Variants in RRAS2 observed in about 807,000 individuals in gnomAD.
The protein encoded by RRAS2 is ras-related protein R-Ras2.
In RRAS2, 7 loss-of-function variants were observed where a neutral mutation model predicts 27.6. The ratio of observed to expected loss-of-function variants is 0.25; its 90% CI spans 0.14 to 0.48. The LOEUF (loss-of-function observed/expected upper bound fraction) is 0.48, where lower values mean the gene tolerates loss of function less well. RRAS2 is among the 20% of genes least tolerant of loss of function. RRAS2 has a pLI of 0.99. For synonymous variants in RRAS2, 86 were observed against 90.9 expected (o/e 0.95, Z 0.31); for missense variants, 178 against 256.2 (o/e 0.69, Z 2.08).
At chr11:14,307,783 T>C (rs993802107) in intron 1 of RRAS2, among the ~76,000 whole-genome samples, 42 of 152,224 alleles carry the variant, frequency 2.8e-4, no homozygotes, top group African/African-American at 9.9e-4. Context: ...AATAGAAAAG[T>C]AAAGTCGTTT....
chr11:14,307,572 T>C (rs1847863232), intron 1 of RRAS2, among the ~76,000 whole-genome samples: 1 of 151,836 alleles, frequency 6.6e-6, no homozygotes, highest in Non-Finnish European at 1.5e-5. Flanking sequence ...GGCTCAGCAG[T>C]TAAATAACCT....
At chr11:14,319,756 TACTC>T (rs1312458677) in intron 1 of RRAS2, among the ~76,000 whole-genome samples, 1 of 152,234 alleles carries the variant, frequency 6.6e-6, no homozygotes, top group Non-Finnish European at 1.5e-5. Flanking sequence ...CAAAATATCT[TACTC>T]ACTCAACTGA....
intron 1 of RRAS2, among the ~76,000 whole-genome samples, chr11:14,341,361 A>T (rs531958218): frequency 1.3e-5 from 2 of 152,296 alleles, no homozygotes; most frequent in Admixed American, 1.3e-4. Flanking sequence ...AGTTAAAGGC[A>T]TTTCTGTATA....
intron 4 of RRAS2, among the ~76,000 whole-genome samples, chr11:14,292,120 A>G (rs1381721665): frequency 1.3e-5 from 2 of 152,204 alleles, no homozygotes; most frequent in Admixed American, 6.5e-5. Context: ...ATTTTGGAGC[A>G]TTTCAGATTT....
chr11:14,360,075 A>G (rs1328664407), upstream of RRAS2, among the ~76,000 whole-genome samples: 1 of 152,038 alleles, frequency 6.6e-6, no homozygotes, highest in African/African-American at 2.4e-5. Flanking sequence ...TTCTCTTGGT[A>G]TTCTCACTCC....
chr11:14,359,011 G>A lies in RRAS2; in HGVS notation c.-141C>T. On this transcript the variant is annotated 5_prime_UTR_variant, in exon 1 of 6. Coordinates refer to ENST00000256196, the MANE Select transcript of RRAS2 (RefSeq NM_012250.6). ...CCCGGGTACCGGGAGGCGTCTGGAGGGCCGGTCAGCGCGGTAGCGCGGCGC... is the reference window on the plus strand; with the variant it reads ...CCCGGGTACCGGGAGGCGTCTGGAGAGCCGGTCAGCGCGGTAGCGCGGCGC... 2 of 1,138,298 alleles carry A rather than the reference G, an allele frequency of 1.8e-6. No homozygotes were observed. Among genetic ancestry groups the A allele is most frequent in the Non-Finnish European group, 2.2e-6 (2 of 929,176 alleles). 70.5% of individuals were successfully genotyped at this position (1,138,298 alleles called of 1,614,324 possible).
At chr11:14,353,905 T>G (rs1480123005) in intron 1 of RRAS2, among the ~76,000 whole-genome samples, 2 of 152,230 alleles carry the variant, frequency 1.3e-5, no homozygotes, top group East Asian at 3.8e-4. Context: ...GGGGCAGGTG[T>G]CTTATTTCTC....
In RRAS2 at chr11:14,358,507, C is replaced by T. The variant is rs375816394; in HGVS notation, c.108+256G>A. 3.3e-5 allele frequency: 33 copies of T among 985,758 alleles called. No homozygotes were observed. Among genetic ancestry groups the T allele is most frequent in the Admixed American group, 3.1e-4 (5 of 16,288 alleles). The allele number at this position is 985,758 out of a possible 1,614,324, so 61.1% of individuals were successfully genotyped here. The stretch of plus-strand genomic sequence containing the variant: ...CAATAAGGTGGATCGGTGCTTCCCA[C>T]CCTTCCAGCTCCGCCCTCCCGACCA... On this transcript the variant is annotated intron_variant, in intron 1 of 5. Transcript: ENST00000256196. This position sits in a 1 kb window ranked among gnomAD's most constrained non-coding sequence, Gnocchi z 5.1.
intron 4 of RRAS2, among the ~76,000 whole-genome samples, chr11:14,292,092 G>A (rs1266515231): frequency 1.3e-5 from 2 of 152,090 alleles, no homozygotes; most frequent in East Asian, 1.9e-4. Context: ...AATCATGTTG[G>A]CTCTCAAAAA....
chr11:14,341,564 G>C (rs2134023385), intron 1 of RRAS2, among the ~76,000 whole-genome samples: 1 of 151,526 alleles, frequency 6.6e-6, no homozygotes, highest in African/African-American at 2.4e-5. Context: ...ATGTACTCAA[G>C]TTTTATTTGT....
chr11:14,334,434 A>C (rs1425391996), intron 1 of RRAS2, among the ~76,000 whole-genome samples: 5 of 152,060 alleles, frequency 3.3e-5, no homozygotes, highest in Non-Finnish European at 7.4e-5. Context: ...CTTGTTGTTG[A>C]TCATATCCAT....
At chr11:14,293,155 ATATATATC>A (rs1274579790) in intron 4 of RRAS2, among the ~76,000 whole-genome samples, 21 of 118,484 alleles carry the variant, frequency 1.8e-4, no homozygotes, top group Middle Eastern at 4.5e-3. Flanking sequence ...ATATATATAT[ATATATATC>A]ATTTTCTCTT....
chr11:14,294,444 TTTCCCA>T (rs1554946265), intron 4 of RRAS2, 21 bp downstream of exon 4: 2 of 1,424,480 alleles, frequency 1.4e-6, no homozygotes, highest in Admixed American at 4.2e-5. Flanking sequence ...AAACAATTGG[TTTCCCA>T]ACAGTGAAAT....
chr11:14,359,152 G>A lies in RRAS2; in HGVS notation c.-282C>T, dbSNP rs566342611. 31 of 1,015,416 alleles carry A rather than the reference G, an allele frequency of 3.1e-5. No homozygotes were observed. Among genetic ancestry groups the A allele is most frequent in the African/African-American group, 6.9e-5 (4 of 58,084 alleles). 62.9% of individuals were successfully genotyped at this position (1,015,416 alleles called of 1,614,324 possible). ...CGCGTCTCCGCAGCGCCTGCCGAAC[G>A]CAGCCTCCAGCGCCGCCACAAATGG... On this transcript the variant is annotated 5_prime_UTR_variant, in exon 1 of 6. Coordinates refer to ENST00000256196, the MANE Select transcript of RRAS2 (RefSeq NM_012250.6).
At chr11:14,319,397 G>T (rs1214309332) in intron 1 of RRAS2, among the ~76,000 whole-genome samples, 2 of 123,608 alleles carry the variant, frequency 1.6e-5, no homozygotes, top group South Asian at 2.8e-4. Flanking sequence ...TGTCGCCCAG[G>T]CCGGACTGCG....
At chr11:14,310,192 G>A (rs1179642373) in intron 1 of RRAS2, among the ~76,000 whole-genome samples, 2 of 152,184 alleles carry the variant, frequency 1.3e-5, no homozygotes, top group Non-Finnish European at 2.9e-5. Context: ...CCATTTATTG[G>A]GCTGCAACAG....
chr11:14,294,596 C>CA lies in RRAS2; in HGVS notation c.300-18dup. 1 of 1,490,418 alleles carries CA rather than the reference C, an allele frequency of 6.7e-7. No individual in the cohort carries two copies. The highest frequency in any genetic ancestry group is 9.2e-7 in the Non-Finnish European group (1 of 1,087,072). 92.3% of individuals were successfully genotyped at this position (1,490,418 alleles called of 1,614,324 possible). A position where few individuals can be genotyped will look rare whatever the true frequency, so the allele number is the denominator to read the frequency against. On this transcript the variant is annotated splice_polypyrimidine_tract_variant and intron_variant, in intron 3 of 5. Coordinates refer to ENST00000256196, the MANE Select transcript of RRAS2 (RefSeq NM_012250.6). ...TCTTCAAAACTTAAAAAAAAAAAATCAAAAACAAATTAATCAATTTGGTCA... is the reference window on the plus strand; with the variant it reads ...TCTTCAAAACTTAAAAAAAAAAAATCAAAAAACAAATTAATCAATTTGGTCA...
chr11:14,350,443 A>G (rs1392490770), intron 1 of RRAS2, among the ~76,000 whole-genome samples: 1 of 152,072 alleles, frequency 6.6e-6, no homozygotes, highest in Non-Finnish European at 1.5e-5. Context: ...ATCTCTGCAC[A>G]TGCCACTCCC....
chr11:14,295,716 C>T lies in RRAS2; in HGVS notation c.196+52G>A, dbSNP rs560418967. On this transcript the variant is annotated intron_variant, in intron 2 of 5. Transcript: ENST00000256196. ...TAACATAGCAAAACATCAGCGCTTA[C>T]TTTTTTAAAAAATATGATATGCAAA... The T allele has an allele frequency of 8.4e-6, 12 of 1,436,982 alleles. No homozygotes were observed. The South Asian group carries it at 1.5e-4, about 18-fold the overall frequency. 89.0% of individuals were successfully genotyped at this position (1,436,982 alleles called of 1,614,324 possible).
Sources: gnomAD v4.1 joint callset for allele counts (sites outside exome capture counted in the v4.1 genomes callset) on GRCh38, gnomAD v4.1.1 for gene constraint, Gnocchi (gnomAD v3.1) non-coding constraint, MANE v1.5 for transcripts, NCBI Gene and HGNC (gene_info 2026-07-23, HGNC 2026-07-21) for gene names.